The following CDH23 variants were observed in gnomAD, a reference collection of about 807,000 sequenced individuals.
CDH23 encodes the protein cadherin-23.
In CDH23, 189 loss-of-function variants were observed where a neutral mutation model predicts 317.1. The ratio of observed to expected loss-of-function variants is 0.60; its 90% CI spans 0.53 to 0.67. The LOEUF (loss-of-function observed/expected upper bound fraction) is 0.67, where lower values mean the gene tolerates loss of function less well. CDH23 is among the 30% of genes least tolerant of loss of function. CDH23 has a pLI of 0.00. For synonymous variants in CDH23, 1,839 were observed against 1,876.8 expected (o/e 0.98, Z 0.52); for missense variants, 4,401 against 4,592.4 (o/e 0.96, Z 1.20).
chr10:71,648,332 C>G (rs1862996056), intron 14 of CDH23, among the ~76,000 whole-genome samples: 1 of 152,208 alleles, frequency 6.6e-6, no homozygotes, highest in Non-Finnish European at 1.5e-5. Flanking sequence ...TACCCACCAT[C>G]CCCCTTCGAA....
At chr10:71,474,529 C>T (rs1026795829) in intron 3 of CDH23, among the ~76,000 whole-genome samples, 3 of 152,180 alleles carry the variant, frequency 2.0e-5, no homozygotes, top group Non-Finnish European at 2.9e-5. Flanking sequence ...ATACGGTGCT[C>T]AGAAGGTGGG....
chr10:71,441,254 C>A (rs999193604), intron 2 of CDH23, among the ~76,000 whole-genome samples: 3 of 152,158 alleles, frequency 2.0e-5, no homozygotes, highest in Non-Finnish European at 4.4e-5. Context: ...CCCGCTCCCC[C>A]CCTGCCTCAT....
At position 71,812,385 on chromosome 10, in the gene CDH23, C is replaced by G. The variant is rs755161548; in HGVS notation, c.9381-95C>G. On this transcript the variant is annotated intron_variant, in intron 66 of 69. Coordinates refer to ENST00000224721, the MANE Select transcript of CDH23 (RefSeq NM_022124.6). ...CAAGTCAGTGAAAGGCACTATATGG[C>G]CAGGGAAATGGGCAGGATGTGGGGT... 3.1e-6 allele frequency: 5 copies of G among 1,604,498 alleles called. No homozygotes were observed. The South Asian group carries it at 4.4e-5, about 14-fold the overall frequency.
chr10:71,516,685 C>T (rs2132218905), intron 6 of CDH23, among the ~76,000 whole-genome samples: 1 of 152,284 alleles, frequency 6.6e-6, no homozygotes, highest in South Asian at 2.1e-4. Flanking sequence ...CTTGTCATTC[C>T]CATCCTACAG....
chr10:71,614,138 C>T (rs1458914836), intron 9 of CDH23, among the ~76,000 whole-genome samples: 1 of 152,208 alleles, frequency 6.6e-6, no homozygotes, highest in Non-Finnish European at 1.5e-5. Context: ...CTTCTTTGAG[C>T]TTTCCCATCT....
At chr10:71,724,252 A>G in intron 29 of CDH23, 147 bp downstream of exon 29, 1 of 782,544 alleles carries the variant, frequency 1.3e-6, no homozygotes, top group Non-Finnish European at 2.1e-6. Context: ...GGAAACAGGG[A>G]CATTCTCCTT....
chr10:71,578,416 C>T (rs1415769545), intron 9 of CDH23, among the ~76,000 whole-genome samples: 2 of 152,146 alleles, frequency 1.3e-5, no homozygotes, highest in Admixed American at 6.5e-5. Flanking sequence ...TTAGAACAAA[C>T]GGAGCTGCAA....
At chr10:71,746,697 G>A (rs540090149) in intron 38 of CDH23, among the ~76,000 whole-genome samples, 142 of 152,200 alleles carry the variant, frequency 9.3e-4, no homozygotes, top group Non-Finnish European at 1.6e-3. Flanking sequence ...GCAGTGGGGT[G>A]GAGAGGGAGG....
chr10:71,510,209 GC>G lies in CDH23; in HGVS notation c.275del (p.Pro92HisfsTer22), dbSNP rs759209263. 3 of 1,613,790 alleles carry G rather than the reference GC, an allele frequency of 1.9e-6. No individual in the cohort carries two copies. The South Asian group carries it at 3.3e-5, about 18-fold the overall frequency. ...ACACTGGCGTGGTGTGGCTCCGGCA[GC>G]CACTGGACAGAGAGGTATGACTTGC... ...PDTGVVWLRQ[P>X]LDRETKSEFT... is the part of the protein sequence containing the mutation. On this transcript the variant is annotated frameshift_variant, in exon 4 of 70. Coordinates refer to ENST00000224721, the MANE Select transcript of CDH23 (RefSeq NM_022124.6). LOFTEE classifies it high-confidence loss of function.
intron 18 of CDH23, among the ~76,000 whole-genome samples, chr10:71,684,018 T>A (rs1864767688): frequency 6.6e-6 from 1 of 150,818 alleles, no homozygotes; most frequent in East Asian, 1.9e-4. Context: ...GAGGTGGAGG[T>A]TGCAGTGAGC....
intron 24 of CDH23, 102 bp from the exon 25 acceptor site, chr10:71,704,809 C>A: frequency 2.2e-6 from 2 of 925,934 alleles, no homozygotes; most frequent in Non-Finnish European, 3.5e-6. Context: ...TGTCTAGCTG[C>A]AGCCAAGTGT....
intron 9 of CDH23, among the ~76,000 whole-genome samples, chr10:71,584,866 T>C (rs563504073): frequency 6.6e-6 from 1 of 152,264 alleles, no homozygotes; most frequent in East Asian, 1.9e-4. Context: ...TCTCAGGGCA[T>C]CTTGGGGAAT....
intron 17 of CDH23, among the ~76,000 whole-genome samples, chr10:71,682,145 G>T (rs962949091): frequency 1.3e-5 from 2 of 152,236 alleles, no homozygotes; most frequent in African/African-American, 2.4e-5. Flanking sequence ...TCCCCACTCT[G>T]TTGAGAGCTG....
At chr10:71,501,255 AT>A (rs1853315856) in intron 3 of CDH23, among the ~76,000 whole-genome samples, 1 of 152,210 alleles carries the variant, frequency 6.6e-6, no homozygotes, top group Non-Finnish European at 1.5e-5. Context: ...GAGTAAATGA[AT>A]GAAAACCATT....
In CDH23 at chr10:71,554,094, G is replaced by T. The variant is rs563637575; in HGVS notation, c.430-12648G>T. ...GTAATAGCATTATGACAGAGCCAAA[G>T]ATTTACTGAGCACCTATTATGCACT... On this transcript the variant is annotated intron_variant, in intron 6 of 69. Coordinates refer to ENST00000224721, the MANE Select transcript of CDH23 (RefSeq NM_022124.6). Among the ~76,000 whole-genome samples the T allele has an allele frequency of 4.3e-4, 66 of 152,346 alleles. 1 individual carries two copies. The highest frequency in any genetic ancestry group is 1.5e-3 in the African/African-American group (64 of 41,574).
chr10:71,590,348 C>T (rs1230455009), intron 9 of CDH23, among the ~76,000 whole-genome samples: 1 of 152,190 alleles, frequency 6.6e-6, no homozygotes, highest in Non-Finnish European at 1.5e-5. Context: ...CAGCCTTACC[C>T]CTCCCCACCA....
In CDH23 at chr10:71,779,279, G is replaced by A. The variant is rs397517335; in HGVS notation, c.5200G>A (p.Val1734Met). The change falls in exon 41 of 70, where the codon GTG becomes ATG. Residue 1734 changes from valine to methionine, a missense_variant. Coordinates refer to ENST00000224721, the MANE Select transcript of CDH23 (RefSeq NM_022124.6). ...TCCACCATCTCAGGTGCTTGTGAATGTGAATGACATCAACGACAATGTGCC... is the reference window on the plus strand; with the variant it reads ...TCCACCATCTCAGGTGCTTGTGAATATGAATGACATCAACGACAATGTGCC... ...LTSTTTVLVN[V>M]NDINDNVPTF... 6.2e-7 allele frequency: 1 copy of A among 1,614,044 alleles called. No individual in the cohort carries two copies. Among genetic ancestry groups the A allele is most frequent in the Non-Finnish European group, 8.5e-7 (1 of 1,179,902 alleles).
At chr10:71,609,995 T>TGTGTGTGTGTGAGAGAGA (rs3222215) in intron 9 of CDH23, among the ~76,000 whole-genome samples, 2 of 140,822 alleles carry the variant, frequency 1.4e-5, no homozygotes, top group African/African-American at 2.6e-5. Context: ...TGTGTGTGTG[T>TGTGTGTGTGTGAGAGAGA]GAGAGAGACA....
At chr10:71,462,861 A>T (rs1851071827) in intron 3 of CDH23, among the ~76,000 whole-genome samples, 1 of 152,164 alleles carries the variant, frequency 6.6e-6, no homozygotes. Context: ...GTCCCCACTC[A>T]ATCTTCAGAC....
Sources: gnomAD v4.1 joint callset for allele counts (sites outside exome capture counted in the v4.1 genomes callset) on GRCh38, gnomAD v4.1.1 for gene constraint, MANE v1.5 for transcripts, NCBI Gene and HGNC (gene_info 2026-07-23, HGNC 2026-07-21) for gene names.